Variants in CCDC171 observed in about 807,000 individuals in gnomAD.
CCDC171 encodes the protein coiled-coil domain-containing protein 171.
A neutral mutation model predicts 168.2 loss-of-function variants in CCDC171; 177 were observed. That is an observed-to-expected ratio of 1.05 (90% CI 0.93 to 1.19). The LOEUF is 1.19. Among genes scored for constraint, CCDC171 ranks in the 50% most tolerant of loss-of-function variants. The pLI is 0.00. For missense variants in CCDC171, 1,991 were observed against 1,539.0 expected (o/e 1.29, Z -4.91); for synonymous variants, 687 against 540.8 (o/e 1.27, Z -3.75).
At chr9:15,685,287 A>C (rs2050309896) in intron 10 of CCDC171, among the ~76,000 whole-genome samples, 1 of 152,138 alleles carries the variant, frequency 6.6e-6, no homozygotes, top group Non-Finnish European at 1.5e-5. Flanking sequence ...TTCCTTGTAT[A>C]TTAAAAGGTT....
intron 1 of CCDC171, among the ~76,000 whole-genome samples, chr9:16,057,674 C>T (rs1833862627): frequency 6.6e-6 from 1 of 152,200 alleles, no homozygotes; most frequent in African/African-American, 2.4e-5. Context: ...AAAGCCCCCT[C>T]CCGCTTCCCT....
At chr9:15,907,937 A>G (rs1238430902) in intron 24 of CCDC171, among the ~76,000 whole-genome samples, 4 of 152,312 alleles carry the variant, frequency 2.6e-5, no homozygotes, top group African/African-American at 9.6e-5. Context: ...GAGAAATGCA[A>G]ATCAAAACCA....
intron 24 of CCDC171, among the ~76,000 whole-genome samples, chr9:15,903,308 T>G (rs2987047): frequency 6.6e-6 from 1 of 151,930 alleles, no homozygotes; most frequent in Non-Finnish European, 1.5e-5. Flanking sequence ...ACACCTCACA[T>G]GGCCGGGTAC....
intron 6 of CCDC171, among the ~76,000 whole-genome samples, chr9:16,028,308 G>A (rs575217896): frequency 6.6e-6 from 1 of 152,314 alleles, no homozygotes; most frequent in Non-Finnish European, 1.5e-5. Context: ...GGAGTAGTGG[G>A]GAGAATGGAT....
chr9:16,006,662 A>G (rs951117565), intron 3 of CCDC171, among the ~76,000 whole-genome samples: 2 of 147,934 alleles, frequency 1.4e-5, no homozygotes, highest in African/African-American at 2.5e-5. Flanking sequence ...ATTCCTACCT[A>G]TGAGTGAGAA....
Position 15,966,825 on chromosome 9 carries a change from A to G in CCDC171, c.3754-4784A>G, listed in dbSNP as rs978221746. Among the ~76,000 whole-genome samples, 108 of 152,166 alleles carry G rather than the reference A, an allele frequency of 7.1e-4. 1 individual carries two copies. Among genetic ancestry groups the G allele is most frequent in the African/African-American group, 2.4e-3 (99 of 41,432 alleles). On this transcript the variant is annotated intron_variant, in intron 25 of 25. Transcript: ENST00000380701. ...TCCTACCAGCTTGTTATTGGTAGCT[A>G]AAAGTTAGAACTGGTAACTACCATA...
intron 10 of CCDC171, among the ~76,000 whole-genome samples, chr9:15,691,403 G>A (rs1430500568): frequency 6.7e-6 from 1 of 149,946 alleles, no homozygotes; most frequent in East Asian, 1.9e-4. Context: ...AAAACACATT[G>A]TGAATAAAAC....
At chr9:15,587,648 A>G (rs889290702) in intron 4 of CCDC171, 17 of 456,620 alleles carry the variant, frequency 3.7e-5, no homozygotes, top group African/African-American at 3.2e-4. Flanking sequence ...TTCTCCAGCG[A>G]AGACTAAAGT....
intron 18 of CCDC171, among the ~76,000 whole-genome samples, chr9:15,747,946 T>C (rs1476844604): frequency 2.0e-5 from 3 of 152,054 alleles, no homozygotes; most frequent in Non-Finnish European, 2.9e-5. Flanking sequence ...AATAACAAAC[T>C]TCTCCGAGCT....
At chr9:15,907,230 A>T (rs1822807280) in intron 24 of CCDC171, among the ~76,000 whole-genome samples, 1 of 152,228 alleles carries the variant, frequency 6.6e-6, no homozygotes. Flanking sequence ...ACAAAGCTGG[A>T]GACATCATGC....
chr9:15,643,415 T>A (rs1032633685), intron 7 of CCDC171, among the ~76,000 whole-genome samples: 7 of 152,204 alleles, frequency 4.6e-5, no homozygotes, highest in Non-Finnish European at 2.9e-5. Context: ...CATCATGCTT[T>A]ATACCTACAA....
chr9:15,779,257 A>G, intron 20 of CCDC171, 107 bp downstream of exon 20: 1 of 616,566 alleles, frequency 1.6e-6, no homozygotes. Flanking sequence ...CAAATAATTC[A>G]AAAGCCTATT....
chr9:15,799,439 G>A (rs917179738), intron 21 of CCDC171, among the ~76,000 whole-genome samples: 6 of 150,954 alleles, frequency 4.0e-5, no homozygotes, highest in Non-Finnish European at 8.9e-5. Context: ...CTCAGGTTTT[G>A]TAAAGGTTTT....
intron 6 of CCDC171, among the ~76,000 whole-genome samples, chr9:16,031,646 C>A (rs10810522): frequency 0.37 from 56,155 of 152,066 alleles, 12,194 homozygotes; most frequent in East Asian, 0.62. Flanking sequence ...GTGTGAATTC[C>A]TTATGGGCCC....
intron 11 of CCDC171, among the ~76,000 whole-genome samples, chr9:15,704,754 A>G (rs924443822): frequency 6.6e-5 from 10 of 152,172 alleles, no homozygotes; most frequent in African/African-American, 2.2e-4. Flanking sequence ...CAGATAAGTG[A>G]AATTTCAGTA....
intron 7 of CCDC171, among the ~76,000 whole-genome samples, chr9:15,625,262 A>G (rs2044965084): frequency 6.6e-6 from 1 of 152,162 alleles, no homozygotes; most frequent in Admixed American, 6.5e-5. Context: ...CCCATTCTAT[A>G]GATTGCGTGT....
At chr9:15,881,795 A>G (rs906086290) in intron 24 of CCDC171, among the ~76,000 whole-genome samples, 2 of 152,174 alleles carry the variant, frequency 1.3e-5, no homozygotes, top group Admixed American at 6.5e-5. Flanking sequence ...AAATGATAAG[A>G]TTTCATTCCT....
At chr9:15,612,311 A>T (rs1041289286) in intron 6 of CCDC171, among the ~76,000 whole-genome samples, 1 of 152,192 alleles carries the variant, frequency 6.6e-6, no homozygotes, top group East Asian at 1.9e-4. Context: ...CTAAGTCATT[A>T]TCACTTGTCA....
At chr9:15,711,040 CAATTGGTAATGG>C (rs1306318362) in intron 11 of CCDC171, among the ~76,000 whole-genome samples, 1 of 152,030 alleles carries the variant, frequency 6.6e-6, no homozygotes, top group Non-Finnish European at 1.5e-5. Flanking sequence ...GATTTTCTCC[CAATTGGTAATGG>C]AATCTGCAGT....
Sources: allele counts gnomAD v4.1 joint callset (sites outside exome capture counted in the v4.1 genomes callset), GRCh38; gene constraint gnomAD v4.1.1; transcripts MANE v1.5; gene names NCBI Gene and HGNC (gene_info 2026-07-23, HGNC 2026-07-21).